RAB27B: variants seen among roughly 807,000 people sequenced by gnomAD.
The protein encoded by RAB27B is ras-related protein Rab-27B.
RAB27B carries 15 observed loss-of-function variants against 24.6 expected under a neutral mutation model. That is an observed-to-expected ratio of 0.61 (90% confidence interval 0.41 to 0.94). The LOEUF (loss-of-function observed/expected upper bound fraction) is 0.94, where lower values mean the gene tolerates loss of function less well. RAB27B is among the 40% of genes least tolerant of loss of function. The probability of loss-of-function intolerance (pLI) is 0.00; values close to 1 mark genes in which losing one functional copy is unlikely to be tolerated. For synonymous variants in RAB27B, 105 were observed against 92.5 expected, an observed-to-expected ratio of 1.14 and a Z score of -0.78; for missense variants, 261 against 266.8, an observed-to-expected ratio of 0.98 and a Z score of 0.15.
intron 2 of RAB27B, among the ~76,000 whole-genome samples, chr18:54,804,892 C>CTTTCTCTT (rs1555657997): frequency 2.1e-5 from 1 of 47,890 alleles, no homozygotes; most frequent in African/African-American, 6.4e-5. Flanking sequence ...TTCTTTCTTT[C>CTTTCTCTT]TCTTTCTCTC....
At chr18:54,725,790 G>A (rs771193456) in intron 2 of RAB27B, among the ~76,000 whole-genome samples, 2 of 151,616 alleles carry the variant, frequency 1.3e-5, no homozygotes, top group Non-Finnish European at 3.0e-5. Context: ...TCTCTGTCAC[G>A]ACATGTGGGG....
At chr18:54,767,761 C>A (rs1254245044) in intron 2 of RAB27B, among the ~76,000 whole-genome samples, 1 of 152,154 alleles carries the variant, frequency 6.6e-6, no homozygotes, top group Non-Finnish European at 1.5e-5. Context: ...AGCATAAATG[C>A]CACCCTTGGC....
At chr18:54,730,565 G>A (rs1037775217) in intron 2 of RAB27B, among the ~76,000 whole-genome samples, 2 of 152,000 alleles carry the variant, frequency 1.3e-5, no homozygotes, top group Non-Finnish European at 2.9e-5. Context: ...GGTGGGGCCC[G>A]GTGGAGGTGT....
intron 2 of RAB27B, among the ~76,000 whole-genome samples, chr18:54,804,949 T>C (rs1411394067): frequency 1.4e-4 from 15 of 106,784 alleles, no homozygotes; most frequent in Admixed American, 1.3e-3. Flanking sequence ...TTTCTTTCTT[T>C]CTTTCTCTTT....
intron 2 of RAB27B, among the ~76,000 whole-genome samples, chr18:54,739,952 A>G (rs976717577): frequency 6.6e-6 from 1 of 152,208 alleles, no homozygotes; most frequent in African/African-American, 2.4e-5. Flanking sequence ...TTGCCCATGT[A>G]GATGTGTAAG....
At chr18:54,865,311 A>AT (rs1265746122) in intron 1 of RAB27B, among the ~76,000 whole-genome samples, 2 of 148,754 alleles carry the variant, frequency 1.3e-5, no homozygotes, top group Admixed American at 1.3e-4. Context: ...GCTTTGTTTG[A>AT]TAAAAACTTA....
At chr18:54,865,096 T>C (rs892737503) in intron 1 of RAB27B, among the ~76,000 whole-genome samples, 3 of 152,154 alleles carry the variant, frequency 2.0e-5, no homozygotes, top group Non-Finnish European at 4.4e-5. Context: ...ATTAAATATG[T>C]GTTATATATG....
At chr18:54,858,384 T>G (rs1206487719) in intron 1 of RAB27B, among the ~76,000 whole-genome samples, 1 of 144,114 alleles carries the variant, frequency 6.9e-6, no homozygotes, top group African/African-American at 2.5e-5. Context: ...ACTGTTTTTT[T>G]TTTTTTTTTT....
At chr18:54,836,465 A>G (rs1910897889) in intron 1 of RAB27B, among the ~76,000 whole-genome samples, 1 of 151,976 alleles carries the variant, frequency 6.6e-6, no homozygotes, top group South Asian at 2.1e-4. Flanking sequence ...TTCAAGGTCT[A>G]AGTAGTCCAG....
chr18:54,754,745 A>G (rs1266458204), intron 2 of RAB27B, among the ~76,000 whole-genome samples: 1 of 152,250 alleles, frequency 6.6e-6, no homozygotes, highest in African/African-American at 2.4e-5. Flanking sequence ...ACATCAAAGC[A>G]TAACTATAAT....
At chr18:54,829,607 T>A (rs188145131) in intron 1 of RAB27B, among the ~76,000 whole-genome samples, 21 of 152,330 alleles carry the variant, frequency 1.4e-4, no homozygotes, top group Middle Eastern at 3.4e-3. Context: ...AAGAAAAATG[T>A]CTACAGTTCT....
At position 54,807,249 on chromosome 18, in the gene RAB27B, C is replaced by G. The variant is rs1045583277; in HGVS notation, c.-19-70318C>G. Among the ~76,000 whole-genome samples the G allele has an allele frequency of 2.0e-5, 3 of 152,272 alleles. No homozygotes were observed. The East Asian group carries it at 5.8e-4, about 29-fold the overall frequency. Reference sequence around the variant, plus strand: ...GCTTTTTGTGGTTTAGTAAAATTAACTAGCCTTTAGTTTTAATTTCAGTAT... The same window carrying G: ...GCTTTTTGTGGTTTAGTAAAATTAAGTAGCCTTTAGTTTTAATTTCAGTAT... On this transcript the variant is annotated intron_variant, in intron 2 of 4. Coordinates refer to the RAB27B transcript ENST00000586570.
intron 1 of RAB27B, among the ~76,000 whole-genome samples, chr18:54,839,264 A>G (rs368506838): frequency 3.2e-4 from 48 of 152,170 alleles, no homozygotes; most frequent in African/African-American, 1.1e-3. Flanking sequence ...GTGTAAGAAA[A>G]TCAAAAGTTT....
rs918189235 is a variant in RAB27B at position 54,772,392 on chromosome 18, G to A, written c.-20+54251G>A. 4.6e-5 allele frequency among the ~76,000 whole-genome samples: 7 copies of A among 152,186 alleles called. No homozygotes were observed. The South Asian group carries it at 1.0e-3, about 22-fold the overall frequency. ...ATAACAGCATGTGCAAATGAAGACT[G>A]GGAATTAGAGCTCTCCTGCCTCTTC... On this transcript the variant is annotated intron_variant, in intron 2 of 4. Coordinates refer to the RAB27B transcript ENST00000586570.
chr18:54,850,333 G>GAGATATATATATAT (rs869079784), intron 1 of RAB27B, among the ~76,000 whole-genome samples: 1 of 95,156 alleles, frequency 1.1e-5, no homozygotes, highest in African/African-American at 4.7e-5. Flanking sequence ...AAACAAACAG[G>GAGATATATATATAT]ATATATATAT....
At chr18:54,850,725 C>T (rs1217636110) in intron 1 of RAB27B, among the ~76,000 whole-genome samples, 1 of 151,098 alleles carries the variant, frequency 6.6e-6, no homozygotes, top group African/African-American at 2.4e-5. Flanking sequence ...GATGAAGGGA[C>T]TTATTCAGTG....
intron 2 of RAB27B, among the ~76,000 whole-genome samples, chr18:54,784,450 C>A (rs776821217): frequency 1.3e-4 from 20 of 152,258 alleles, no homozygotes; most frequent in Non-Finnish European, 2.8e-4. Context: ...TTACCCTCCA[C>A]CCTCTGTTCC....
intron 2 of RAB27B, among the ~76,000 whole-genome samples, chr18:54,759,926 A>G (rs192173876): frequency 1.3e-5 from 2 of 152,304 alleles, no homozygotes; most frequent in Non-Finnish European, 2.9e-5. Context: ...CATTGGCAAT[A>G]AAATCCTCTG....
chr18:54,728,539 G>A (rs1414101546), intron 2 of RAB27B, among the ~76,000 whole-genome samples: 2 of 152,050 alleles, frequency 1.3e-5, no homozygotes, highest in Non-Finnish European at 2.9e-5. Flanking sequence ...CTACTTAAAG[G>A]AAATACTAAA....
Sources: allele counts gnomAD v4.1 joint callset (sites outside exome capture counted in the v4.1 genomes callset), GRCh38; gene constraint gnomAD v4.1.1; transcripts MANE v1.5; gene names NCBI Gene and HGNC (gene_info 2026-07-23, HGNC 2026-07-21).